TXNDC11: variants seen among roughly 807,000 people sequenced by gnomAD.
TXNDC11 encodes thioredoxin domain containing 11.
In TXNDC11, 68 loss-of-function variants were observed where a neutral mutation model predicts 78.0. That is an observed-to-expected ratio of 0.87 (90% CI 0.72 to 1.07). TXNDC11 has a LOEUF of 1.07. Among genes scored for constraint, TXNDC11 ranks in the 50% least tolerant of loss-of-function variants. The pLI is 0.00. For synonymous variants in TXNDC11, 571 were observed against 495.2 expected (o/e 1.15, Z -2.03); for missense variants, 1,389 against 1,221.8 (o/e 1.14, Z -2.04).
chr16:11,713,299 A>G (rs1456579333), intron 5 of TXNDC11, among the ~76,000 whole-genome samples: 1 of 151,884 alleles, frequency 6.6e-6, no homozygotes, highest in East Asian at 1.9e-4. Flanking sequence ...AAAAAAAGAA[A>G]AGAAATCATA....
chr16:11,736,334 A>G (rs1567353357), intron 1 of TXNDC11, 101 bp from the exon 2 acceptor site: 2 of 994,720 alleles, frequency 2.0e-6, no homozygotes, highest in South Asian at 3.0e-5. Flanking sequence ...CCTCTTTTGA[A>G]TAAGAAAATG....
Position 11,679,579 on chromosome 16 carries a change from G to A in TXNDC11, c.2493C>T (p.Ala831=), listed in dbSNP as rs1031836240. ...GCCGCAGCCGGTGCTCATCTCTGCG[G>A]GCACTGGAGAGCTGGGACTCCACCT... is the stretch of plus-strand genomic sequence containing the variant. ...QVQVESQLSS[A]RRDEHRLRQQ... The change falls in exon 12 of 12, where the codon GCC becomes GCT. Residue 831 remains alanine, a synonymous_variant. Transcript: ENST00000283033. This position sits in a 1 kb window ranked among gnomAD's most constrained non-coding sequence, Gnocchi z 4.6. 3.1e-6 allele frequency: 5 copies of A among 1,613,950 alleles called. No homozygotes were observed. In the South Asian group the frequency reaches 3.3e-5, roughly 11 times the overall value.
chr16:11,707,453 A>C (rs1490906453), intron 5 of TXNDC11, among the ~76,000 whole-genome samples: 1 of 115,190 alleles, frequency 8.7e-6, no homozygotes, highest in African/African-American at 3.2e-5. Context: ...TATTTTTCCC[A>C]ATTTTTTTTT....
At chr16:11,706,118 A>C (rs2051172860) in intron 5 of TXNDC11, among the ~76,000 whole-genome samples, 1 of 152,238 alleles carries the variant, frequency 6.6e-6, no homozygotes, top group Non-Finnish European at 1.5e-5. Flanking sequence ...ATTAAAAAAA[A>C]AATTCTCCAT....
intron 4 of TXNDC11, among the ~76,000 whole-genome samples, chr16:11,724,338 G>C (rs912130271): frequency 1.5e-4 from 23 of 152,280 alleles, no homozygotes; most frequent in African/African-American, 5.5e-4. Flanking sequence ...TGATGTAGAA[G>C]CTACCAATAC....
intron 7 of TXNDC11, among the ~76,000 whole-genome samples, chr16:11,696,139 T>C (rs1052546902): frequency 2.0e-5 from 3 of 151,996 alleles, no homozygotes; most frequent in Non-Finnish European, 4.4e-5. Flanking sequence ...CTCTCCCCAG[T>C]TAGCCCTTCC....
Position 11,736,155 on chromosome 16 carries a change from G to A in TXNDC11, c.333C>T (p.Phe111=). The A allele has an allele frequency of 7.4e-6, 12 of 1,614,176 alleles. No homozygotes were observed. Among genetic ancestry groups the A allele is most frequent in the Non-Finnish European group, 1.0e-5 (12 of 1,180,030 alleles). The change falls in exon 2 of 12, where the codon TTC becomes TTT. Residue 111 remains phenylalanine (F), a synonymous_variant. Transcript: ENST00000283033. ...ACTCTGCATAATCCAGCTGCCCCTG[G>A]AAGAGGTCAAGGACTGGAGACCTCA... ...FSLRSPVLDL[F]QGQLDYAEYV...
Position 11,691,405 on chromosome 16 carries a change from C to T in TXNDC11, c.1785G>A (p.Glu595=). Residue 595 remains glutamate, a synonymous_variant, in exon 8 of 12, where the codon GAG becomes GAA. Transcript: ENST00000283033. The stretch of plus-strand genomic sequence containing the variant: ...GAGTGGAGCTCGGAGCACCCAGTCT[C>T]TCTGCATATAACCAAAACAAATTTG... The part of the protein sequence containing the change: ...LDSNLFWLYA[E]RLGAPSSTQV... The T allele has an allele frequency of 6.2e-7, 1 of 1,614,230 alleles. No individual in the cohort carries two copies. Among genetic ancestry groups the T allele is most frequent in the African/African-American group, 1.3e-5 (1 of 75,066 alleles).
intron 8 of TXNDC11, among the ~76,000 whole-genome samples, chr16:11,689,206 A>C (rs2287203): frequency 6.6e-6 from 1 of 151,902 alleles, no homozygotes; most frequent in South Asian, 2.1e-4. Context: ...CTCCTACCTC[A>C]GCCTCCAGAG....
chr16:11,686,482 G>A (rs981700533), intron 10 of TXNDC11, among the ~76,000 whole-genome samples: 3 of 152,146 alleles, frequency 2.0e-5, no homozygotes, highest in South Asian at 4.1e-4. Context: ...AATTAACTGG[G>A]TCAAAAATGT....
At chr16:11,713,425 C>CT (rs998517865) in intron 5 of TXNDC11, among the ~76,000 whole-genome samples, 5 of 150,922 alleles carry the variant, frequency 3.3e-5, no homozygotes, top group South Asian at 4.2e-4. Flanking sequence ...ATTTTTTTTC[C>CT]TTTTTTTTGA....
At chr16:11,724,707 G>A (rs1052765690) in intron 4 of TXNDC11, among the ~76,000 whole-genome samples, 1 of 152,186 alleles carries the variant, frequency 6.6e-6, no homozygotes, top group Non-Finnish European at 1.5e-5. Context: ...ATTCAAGGAA[G>A]AGGGATTCCA....
At chr16:11,702,577 T>A (rs1224107015) in intron 5 of TXNDC11, among the ~76,000 whole-genome samples, 3 of 152,056 alleles carry the variant, frequency 2.0e-5, no homozygotes, top group Admixed American at 2.0e-4. Flanking sequence ...GGCTGAGGCA[T>A]GAGAATCACT....
Position 11,679,135 on chromosome 16 carries a change from G to T in TXNDC11, c.*60C>A. 1 of 1,511,366 alleles carries T rather than the reference G, an allele frequency of 6.6e-7. No homozygotes were observed. Among genetic ancestry groups the T allele is most frequent in the Non-Finnish European group, 9.0e-7 (1 of 1,111,180 alleles). 93.6% of individuals were successfully genotyped at this position (1,511,366 alleles called of 1,614,324 possible). ...TTTACAATAAATTTCAATAAAATTT[G>T]CATAAATATATTCCCAATGTACAAT... On this transcript the variant is annotated 3_prime_UTR_variant, in exon 12 of 12. Coordinates refer to ENST00000283033, the MANE Select transcript of TXNDC11 (RefSeq NM_015914.7). This position sits in a 1 kb window ranked among gnomAD's most constrained non-coding sequence, Gnocchi z 4.6.
chr16:11,713,138 G>A (rs1047201269), intron 5 of TXNDC11, among the ~76,000 whole-genome samples: 1 of 148,752 alleles, frequency 6.7e-6, no homozygotes, highest in African/African-American at 2.5e-5. Context: ...AAATTGCCAG[G>A]TTGCCAGGCG....
rs187960572 is a variant in TXNDC11, at chr16:11,723,982, A to G, written c.700-2312T>C. On this transcript the variant is annotated intron_variant, in intron 4 of 11. Transcript: ENST00000283033. ...GCATTTGGTGAGTAAATTATAAAGT[A>G]CAAGTCAAATGAATCTGTCAAGTGC... Among the ~76,000 whole-genome samples, 330 of 152,350 alleles carry G rather than the reference A, an allele frequency of 2.2e-3. 2 individuals carry two copies. The highest frequency in any genetic ancestry group is 7.5e-3 in the African/African-American group (312 of 41,588).
chr16:11,735,951 G>T, intron 2 of TXNDC11, 66 bp downstream of exon 2: 4 of 1,495,538 alleles, frequency 2.7e-6, no homozygotes, highest in East Asian at 2.3e-5. Flanking sequence ...GTGTCTCTGT[G>T]GGGACATCCT....
chr16:11,700,433 G>A lies in TXNDC11; in HGVS notation c.906+19C>T, dbSNP rs765358813. ...TAAGAACCACTGCGCTAACATAAAC[G>A]TGATTTCAAAATACTTACAAGTGAT... is the stretch of plus-strand genomic sequence containing the variant. On this transcript the variant is annotated intron_variant, in intron 6 of 11. Coordinates refer to ENST00000283033, the MANE Select transcript of TXNDC11 (RefSeq NM_015914.7). 21 of 1,234,836 alleles carry A rather than the reference G, an allele frequency of 1.7e-5. No homozygotes were observed. Among genetic ancestry groups the A allele is most frequent in the African/African-American group, 8.9e-5 (6 of 67,048 alleles). The allele number at this position is 1,234,836 out of a possible 1,614,324, so 76.5% of individuals were successfully genotyped here.
chr16:11,735,317 C>T lies in TXNDC11; in HGVS notation c.471+700G>A, dbSNP rs76012862. Among the ~76,000 whole-genome samples, 717 of 152,336 alleles carry T rather than the reference C, an allele frequency of 4.7e-3. 10 individuals carry two copies. Among genetic ancestry groups the T allele is most frequent in the African/African-American group, 0.017 (694 of 41,580 alleles). ...ATAAAGGTATATGGACCTGTTCTGA[C>T]TGTGCACTTACATACTAAAATATAT... On this transcript the variant is annotated intron_variant, in intron 2 of 11. Coordinates refer to ENST00000283033, the MANE Select transcript of TXNDC11 (RefSeq NM_015914.7).
Sources: allele counts gnomAD v4.1 joint callset (sites outside exome capture counted in the v4.1 genomes callset), GRCh38; gene constraint gnomAD v4.1.1; non-coding constraint Gnocchi (gnomAD v3.1); transcripts MANE v1.5; gene names NCBI Gene and HGNC (gene_info 2026-07-23, HGNC 2026-07-21).